The following RAPGEF2 variants were observed in gnomAD, a reference collection of about 807,000 sequenced individuals.
RAPGEF2 encodes PDZ domain containing guanine nucleotide exchange factor (GEF) 1.
In RAPGEF2, 54 loss-of-function variants were observed where a neutral mutation model predicts 186.7. That is an observed-to-expected ratio of 0.29 (90% CI 0.23 to 0.36). The LOEUF is 0.36. Among genes scored for constraint, RAPGEF2 ranks in the 10% least tolerant of loss-of-function variants. RAPGEF2 has a pLI of 1.00. For missense variants in RAPGEF2, 1,532 were observed against 2,045.0 expected (o/e 0.75, Z 4.84); for synonymous variants, 712 against 705.9 (o/e 1.01, Z -0.14).
At chr4:159,284,586 C>T (rs1414996246) in intron 7 of RAPGEF2, among the ~76,000 whole-genome samples, 1 of 151,796 alleles carries the variant, frequency 6.6e-6, no homozygotes, top group African/African-American at 2.4e-5. Context: ...TGCCTGACTC[C>T]TCTGGATTTC....
Position 159,353,914 on chromosome 4 carries a change from C to T in RAPGEF2, c.4519C>T (p.Arg1507Trp). The change falls in exon 28 of 30, where the codon CGG becomes TGG. Residue 1507 changes from arginine to tryptophan, a missense_variant. Arg to Trp is a moderately radical substitution (Grantham distance 101, BLOSUM62 -3). Transcript: ENST00000691494. The surrounding 1 kb of genome is among the most constrained non-coding windows in gnomAD (Gnocchi z 4.3). ...DSEGDTGTIKRRGGKDVSIEA... is the reference protein window; with the variant it reads ...DSEGDTGTIKWRGGKDVSIEA... ...AGAAGGTGACACAGGCACAATAAAG[C>T]GGAGGGGTGGAAAGGATGTTTCCAT... is the stretch of plus-strand genomic sequence containing the variant. The T allele has an allele frequency of 1.9e-6, 3 of 1,614,134 alleles. No homozygotes were observed. Among genetic ancestry groups the T allele is most frequent in the Non-Finnish European group, 2.5e-6 (3 of 1,180,012 alleles).
intron 7 of RAPGEF2, among the ~76,000 whole-genome samples, chr4:159,278,267 T>G (rs1759199930): frequency 2.0e-5 from 3 of 152,316 alleles, no homozygotes; most frequent in African/African-American, 7.2e-5. Context: ...ATGTGTGGTA[T>G]TATTTCTGAG....
chr4:159,208,761 A>G (rs1045135607), intron 3 of RAPGEF2, among the ~76,000 whole-genome samples: 3 of 152,224 alleles, frequency 2.0e-5, no homozygotes, highest in Non-Finnish European at 4.4e-5. Context: ...TAACTTATTC[A>G]TGGCAGAGAG....
At chr4:159,258,124 T>C (rs1265595471) in intron 7 of RAPGEF2, among the ~76,000 whole-genome samples, 1 of 152,230 alleles carries the variant, frequency 6.6e-6, no homozygotes. Context: ...AATATTCTAG[T>C]ATTATCTTTG....
At chr4:159,117,930 A>C (rs1739228433) in intron 1 of RAPGEF2, among the ~76,000 whole-genome samples, 1 of 152,256 alleles carries the variant, frequency 6.6e-6, no homozygotes, top group Non-Finnish European at 1.5e-5. Context: ...TAGTTTCAGA[A>C]TAAACAAATA....
intron 3 of RAPGEF2, among the ~76,000 whole-genome samples, chr4:159,195,130 C>G (rs532064789): frequency 5.6e-4 from 85 of 152,184 alleles, no homozygotes; most frequent in Admixed American, 1.0e-3. Flanking sequence ...CTTAAAAGAA[C>G]CTACACCAAA....
intron 3 of RAPGEF2, among the ~76,000 whole-genome samples, chr4:159,194,485 A>G (rs1004020112): frequency 6.6e-6 from 1 of 152,166 alleles, no homozygotes; most frequent in Non-Finnish European, 1.5e-5. Context: ...CCCATGGCCA[A>G]TTGTGTTTTC....
intron 7 of RAPGEF2, among the ~76,000 whole-genome samples, chr4:159,253,709 C>T (rs1156511119): frequency 6.6e-6 from 1 of 152,000 alleles, no homozygotes; most frequent in Non-Finnish European, 1.5e-5. Flanking sequence ...TGGCTCATGC[C>T]TGCAATCCCA....
At chr4:159,349,946 G>C (rs1047968826) in intron 25 of RAPGEF2, among the ~76,000 whole-genome samples, 191 bp from the exon 26 acceptor site, 6 of 152,218 alleles carry the variant, frequency 3.9e-5, no homozygotes, top group Middle Eastern at 6.8e-3. Context: ...ACCAAACTAC[G>C]GGTATCTCAT....
At chr4:159,224,618 C>A (rs1751842502) in intron 4 of RAPGEF2, among the ~76,000 whole-genome samples, 1 of 152,116 alleles carries the variant, frequency 6.6e-6, no homozygotes, top group African/African-American at 2.4e-5. Flanking sequence ...CTTAGACTCT[C>A]TTGTTTTAAA....
chr4:159,231,423 ATACAT>A (rs1752633987), intron 4 of RAPGEF2, among the ~76,000 whole-genome samples: 1 of 152,106 alleles, frequency 6.6e-6, no homozygotes, highest in Non-Finnish European at 1.5e-5. Context: ...ATTCTCACAA[ATACAT>A]TATATGTCAA....
chr4:159,154,505 C>T (rs907991108), intron 1 of RAPGEF2, among the ~76,000 whole-genome samples: 9 of 136,682 alleles, frequency 6.6e-5, no homozygotes, highest in Non-Finnish European at 9.3e-5. Context: ...CTCACATCAC[C>T]TTTTTTTTTT....
intron 1 of RAPGEF2, among the ~76,000 whole-genome samples, chr4:159,145,623 T>C (rs1421463755): frequency 1.3e-5 from 2 of 152,234 alleles, no homozygotes; most frequent in Non-Finnish European, 2.9e-5. Flanking sequence ...TCCTGACGTA[T>C]GTTCACCAGG....
intron 7 of RAPGEF2, among the ~76,000 whole-genome samples, chr4:159,253,722 A>G (rs756085552): frequency 6.6e-6 from 1 of 152,056 alleles, no homozygotes; most frequent in Non-Finnish European, 1.5e-5. Flanking sequence ...CAATCCCAGC[A>G]CTTTGGGAGG....
chr4:159,126,461 C>G (rs1424882110), intron 1 of RAPGEF2, among the ~76,000 whole-genome samples: 1 of 150,410 alleles, frequency 6.6e-6, no homozygotes, highest in Non-Finnish European at 1.5e-5. Flanking sequence ...TTTTAGTTTT[C>G]TTTATATATG....
Position 159,103,611 on chromosome 4 carries a change from G to C in RAPGEF2, c.-552G>C, listed in dbSNP as rs933136839. On this transcript the variant is annotated 5_prime_UTR_variant, in exon 1 of 30. Transcript: ENST00000691494. ...CCCGACCGGCGGCCGAGGCGCCCGA[G>C]GACTGGGGACGCGGAAGATCCAAGT... 5 of 152,928 alleles carry C rather than the reference G, an allele frequency of 3.3e-5. No individual in the cohort carries two copies. The highest frequency in any genetic ancestry group is 1.2e-4 in the African/African-American group (5 of 41,472). 9.5% of individuals were successfully genotyped at this position (152,928 alleles called of 1,614,324 possible).
chr4:159,302,692 A>G (rs1264071689), intron 7 of RAPGEF2, among the ~76,000 whole-genome samples: 1 of 152,202 alleles, frequency 6.6e-6, no homozygotes, highest in Admixed American at 6.5e-5. Flanking sequence ...TGAATGAAAC[A>G]TAAATTCTGA....
chr4:159,347,868 T>C (rs974732807), intron 25 of RAPGEF2, among the ~76,000 whole-genome samples: 4 of 152,100 alleles, frequency 2.6e-5, no homozygotes, highest in East Asian at 1.9e-4. Flanking sequence ...ATGTACACCT[T>C]CTTTTTTTTC....
intron 1 of RAPGEF2, among the ~76,000 whole-genome samples, chr4:159,110,529 G>A (rs577182019): frequency 6.6e-6 from 1 of 152,308 alleles, no homozygotes; most frequent in East Asian, 1.9e-4. Flanking sequence ...AGTGAGCCGA[G>A]ATTGTGCCAT....
Sources: allele counts gnomAD v4.1 joint callset (sites outside exome capture counted in the v4.1 genomes callset), GRCh38; gene constraint gnomAD v4.1.1; non-coding constraint Gnocchi (gnomAD v3.1); transcripts MANE v1.5; gene names NCBI Gene and HGNC (gene_info 2026-07-23, HGNC 2026-07-21).